The following CTNNA2 variants were observed in gnomAD, a reference collection of about 807,000 sequenced individuals.
CTNNA2 encodes the protein catenin alpha-2.
CTNNA2 carries 42 observed loss-of-function variants against 101.0 expected under a neutral mutation model. The ratio of observed to expected loss-of-function variants is 0.42; its 90% confidence interval spans 0.32 to 0.54. CTNNA2 has a LOEUF of 0.54. CTNNA2 is among the 20% of genes least tolerant of loss of function. The pLI, the probability that CTNNA2 is intolerant of heterozygous loss-of-function variation, is 0.14. For missense variants in CTNNA2, 871 were observed against 1,223.1 expected, an observed-to-expected ratio of 0.71 and a Z score of 4.29; for synonymous variants, 450 against 456.4, an observed-to-expected ratio of 0.99 and a Z score of 0.18.
chr2:79,573,276 A>G (rs1169003158), intron 1 of CTNNA2, among the ~76,000 whole-genome samples: 1 of 152,218 alleles, frequency 6.6e-6, no homozygotes, highest in Admixed American at 6.5e-5. Context: ...AAGTCTCCAT[A>G]ACGATAGGCA....
At chr2:79,987,090 T>C (rs1691821768) in intron 7 of CTNNA2, among the ~76,000 whole-genome samples, 1 of 152,190 alleles carries the variant, frequency 6.6e-6, no homozygotes, top group Non-Finnish European at 1.5e-5. Context: ...AACCACTTTT[T>C]TTCCCCACTG....
chr2:79,844,850 T>C (rs1046007143), intron 3 of CTNNA2, among the ~76,000 whole-genome samples: 2 of 152,104 alleles, frequency 1.3e-5, no homozygotes, highest in African/African-American at 4.8e-5. Context: ...AACTCATCTA[T>C]ACTCTTTGTC....
chr2:79,598,018 C>T (rs1034183148), intron 1 of CTNNA2, among the ~76,000 whole-genome samples: 8 of 152,184 alleles, frequency 5.3e-5, no homozygotes, highest in African/African-American at 1.7e-4. Flanking sequence ...TACTTAGAAT[C>T]GTATGGAATG....
At chr2:79,600,214 C>G (rs1677460720) in intron 1 of CTNNA2, among the ~76,000 whole-genome samples, 1 of 151,960 alleles carries the variant, frequency 6.6e-6, no homozygotes, top group Non-Finnish European at 1.5e-5. Context: ...CTTCCTCTGT[C>G]ACCCAGGCTG....
chr2:79,818,815 A>C (rs1283864125), intron 3 of CTNNA2, among the ~76,000 whole-genome samples: 2 of 117,062 alleles, frequency 1.7e-5, no homozygotes, highest in African/African-American at 7.2e-5. Context: ...AGGATCCAAA[A>C]TGCAATTATA....
intron 7 of CTNNA2, among the ~76,000 whole-genome samples, chr2:80,316,408 C>G (rs1678129032): frequency 6.6e-6 from 1 of 152,184 alleles, no homozygotes; most frequent in Non-Finnish European, 1.5e-5. Context: ...CATTACTTAA[C>G]TGGACCTTGA....
At chr2:79,921,285 C>A (rs76493769) in intron 7 of CTNNA2, among the ~76,000 whole-genome samples, 1 of 152,052 alleles carries the variant, frequency 6.6e-6, no homozygotes, top group Non-Finnish European at 1.5e-5. Context: ...TAATATAGCA[C>A]GGGTTAAAAA....
At chr2:80,523,277 A>G (rs1401931910) in intron 9 of CTNNA2, among the ~76,000 whole-genome samples, 1 of 152,172 alleles carries the variant, frequency 6.6e-6, no homozygotes, top group Non-Finnish European at 1.5e-5. Context: ...TGAAGTTGTA[A>G]ATGCAACAAA....
chr2:79,891,986 G>A (rs1351628828), intron 6 of CTNNA2, among the ~76,000 whole-genome samples: 7 of 151,860 alleles, frequency 4.6e-5, no homozygotes, highest in Non-Finnish European at 1.0e-4. Context: ...CAGATATGTT[G>A]CAAATATTAA....
intron 12 of CTNNA2, among the ~76,000 whole-genome samples, chr2:80,565,661 T>C (rs1693994117): frequency 6.6e-6 from 1 of 151,966 alleles, no homozygotes; most frequent in Non-Finnish European, 1.5e-5. Flanking sequence ...CCAAGAAGCA[T>C]TTACTATGGC....
At chr2:80,289,198 G>T (rs2149174670) in intron 7 of CTNNA2, 1 of 152,168 alleles carries the variant, frequency 6.6e-6, no homozygotes, top group Admixed American at 6.5e-5. Flanking sequence ...TGACAGAACT[G>T]GGAAGAACCA....
At chr2:79,639,520 TAATTA>T (rs1370095746) in intron 1 of CTNNA2, among the ~76,000 whole-genome samples, 1 of 152,154 alleles carries the variant, frequency 6.6e-6, no homozygotes, top group East Asian at 1.9e-4. Flanking sequence ...GAAAACACTG[TAATTA>T]AATTTGAGTT....
At chr2:79,366,161 G>T (rs1399740714) in intron 3 of CTNNA2, among the ~76,000 whole-genome samples, 1 of 152,192 alleles carries the variant, frequency 6.6e-6, no homozygotes, top group Admixed American at 6.5e-5. Context: ...CTAAGGAGGA[G>T]CTTCCCTTTG....
At chr2:80,391,453 C>T (rs1020204832) in intron 7 of CTNNA2, among the ~76,000 whole-genome samples, 15 of 152,268 alleles carry the variant, frequency 9.9e-5, no homozygotes, top group Middle Eastern at 3.4e-3. Context: ...CTGTTGCAGC[C>T]AAGTTTTCAA....
chr2:79,627,524 C>T (rs1439280458), intron 1 of CTNNA2, among the ~76,000 whole-genome samples: 1 of 152,172 alleles, frequency 6.6e-6, no homozygotes, highest in African/African-American at 2.4e-5. Flanking sequence ...TTCACTATTT[C>T]AGGCCCCATT....
chr2:79,715,898 G>C (rs1418482407), intron 2 of CTNNA2, among the ~76,000 whole-genome samples: 1 of 151,950 alleles, frequency 6.6e-6, no homozygotes, highest in African/African-American at 2.4e-5. Flanking sequence ...ACCTAAAAAA[G>C]CTCTAGAGTA....
chr2:79,465,323 G>C (rs940358011), intron 4 of CTNNA2, among the ~76,000 whole-genome samples: 1 of 152,108 alleles, frequency 6.6e-6, no homozygotes, highest in South Asian at 2.1e-4. Context: ...TGAGGGCTCT[G>C]TTCTGTTCCA....
At chr2:80,462,836 G>A (rs1409204966) in intron 9 of CTNNA2, among the ~76,000 whole-genome samples, 2 of 151,736 alleles carry the variant, frequency 1.3e-5, no homozygotes, top group African/African-American at 4.8e-5. Flanking sequence ...TCTTGTCTTG[G>A]AGTCCCAGTT....
chr2:80,271,740 A>G (rs550960380), intron 7 of CTNNA2, among the ~76,000 whole-genome samples: 43 of 152,282 alleles, frequency 2.8e-4, no homozygotes, highest in Non-Finnish European at 5.7e-4. Context: ...GTCTTACTGT[A>G]CTTTTTCATG....
Sources: allele counts gnomAD v4.1 joint callset (sites outside exome capture counted in the v4.1 genomes callset), GRCh38; gene constraint gnomAD v4.1.1; transcripts MANE v1.5; gene names NCBI Gene and HGNC (gene_info 2026-07-23, HGNC 2026-07-21).